Variants in PCDHA8 observed in about 807,000 individuals in gnomAD.
PCDHA8 encodes the protein protocadherin alpha 8.
Under a neutral mutation model 61.8 loss-of-function variants are expected in PCDHA8, and 53 were observed. The observed-to-expected ratio is 0.86, with a 90% confidence interval of 0.69 to 1.08. The LOEUF (loss-of-function observed/expected upper bound fraction) is 1.08. Among genes scored for constraint, PCDHA8 ranks in the 50% least tolerant of loss-of-function variants. The pLI is 0.00. For synonymous variants in PCDHA8, 618 were observed against 556.6 expected (o/e 1.11, Z -1.55); for missense variants, 1,293 against 1,245.0 (o/e 1.04, Z -0.58).
chr5:140,884,497 C>T, intron 1 of PCDHA8: 1 of 1,614,042 alleles, frequency 6.2e-7, no homozygotes, highest in Non-Finnish European at 8.5e-7. Flanking sequence ...TGTGCTCCAG[C>T]GCGGCAGGGA....
At chr5:140,917,262 T>C (rs1222739469) in intron 1 of PCDHA8, among the ~76,000 whole-genome samples, 1 of 151,720 alleles carries the variant, frequency 6.6e-6, no homozygotes, top group Middle Eastern at 3.2e-3. Context: ...CACCTGATGT[T>C]TGGTTTTTGT....
chr5:141,011,894 TATC>T lies in PCDHA8; in HGVS notation c.*1958_*1960del, dbSNP rs1554263691. 6.5e-6 allele frequency: 1 copy of T among 153,306 alleles called. No individual in the cohort carries two copies. The highest frequency in any genetic ancestry group is 2.4e-5 in the African/African-American group (1 of 41,080). 9.5% of individuals were successfully genotyped at this position (153,306 alleles called of 1,614,324 possible). On this transcript the variant is annotated 3_prime_UTR_variant, in exon 4 of 4. Transcript: ENST00000531613. Reference sequence around the variant, plus strand: ...AATTTAGAAGTTTGATTAATTATATTATCTATTTAGGCATTAATATAAAAGAGG... The same window carrying T: ...AATTTAGAAGTTTGATTAATTATATTTATTTAGGCATTAATATAAAAGAGG...
intron 1 of PCDHA8, among the ~76,000 whole-genome samples, chr5:140,935,239 A>G (rs1554210410): frequency 1.3e-5 from 2 of 152,172 alleles, no homozygotes. Flanking sequence ...TCTATTTTTT[A>G]AAAGATAAAA....
At chr5:140,968,446 C>T in intron 1 of PCDHA8, 1 of 1,614,046 alleles carries the variant, frequency 6.2e-7, no homozygotes, top group Non-Finnish European at 8.5e-7. Context: ...CACCACTGAG[C>T]AGCACTGTGA....
At position 140,843,178 on chromosome 5, in the gene PCDHA8, C is replaced by T. The variant is rs1188166294; in HGVS notation, c.1857C>T (p.Arg619=). The T allele has an allele frequency of 6.3e-7, 1 of 1,595,986 alleles. No individual in the cohort carries two copies. Among genetic ancestry groups the T allele is most frequent in the Non-Finnish European group, 8.6e-7 (1 of 1,165,624 alleles). ...YELQPAASSP[R]IPFRVGLYTG... Reference sequence around the variant, plus strand: ...TGCAGCCAGCTGCAAGCAGCCCTCGCATCCCGTTCCGCGTGGGGCTGTACA... The same window carrying T: ...TGCAGCCAGCTGCAAGCAGCCCTCGTATCCCGTTCCGCGTGGGGCTGTACA... The change falls in exon 1 of 4, where the codon CGC becomes CGT. Residue 619 remains arginine, a synonymous_variant. Transcript: ENST00000531613.
intron 2 of PCDHA8, among the ~76,000 whole-genome samples, chr5:140,981,521 C>T (rs894639773): frequency 1.3e-5 from 2 of 152,208 alleles, no homozygotes; most frequent in South Asian, 4.1e-4. Flanking sequence ...TTGCAGTGAG[C>T]TGAGATCGTG....
chr5:141,004,092 C>T (rs1245515449), intron 3 of PCDHA8, among the ~76,000 whole-genome samples: 1 of 152,198 alleles, frequency 6.6e-6, no homozygotes, highest in Non-Finnish European at 1.5e-5. Context: ...TGTGCTTCTT[C>T]CGTTTTCATC....
At chr5:141,005,562 C>T (rs928721111) in intron 3 of PCDHA8, among the ~76,000 whole-genome samples, 2 of 151,226 alleles carry the variant, frequency 1.3e-5, no homozygotes, top group Admixed American at 6.6e-5. Flanking sequence ...ATTAGCCGGG[C>T]ATGGTGGCGC....
chr5:140,877,372 A>T, intron 1 of PCDHA8: 6 of 1,613,992 alleles, frequency 3.7e-6, no homozygotes, highest in Non-Finnish European at 5.1e-6. Flanking sequence ...GATCAGCACG[A>T]CACGCATCCT....
intron 1 of PCDHA8, chr5:140,853,041 C>G (rs1158374492): frequency 1.9e-5 from 5 of 267,262 alleles, no homozygotes; most frequent in Non-Finnish European, 3.0e-5. Context: ...ACCATGCCCG[C>G]CTAATTTTTT....
At chr5:140,978,740 A>G (rs2096821027) in intron 1 of PCDHA8, among the ~76,000 whole-genome samples, 1 of 152,254 alleles carries the variant, frequency 6.6e-6, no homozygotes, top group Non-Finnish European at 1.5e-5. Flanking sequence ...CTTCCAGGGT[A>G]TCTAATCTGT....
intron 1 of PCDHA8, chr5:140,870,210 C>T (rs1430379869): frequency 6.2e-7 from 1 of 1,614,058 alleles, no homozygotes; most frequent in African/African-American, 1.3e-5. Context: ...CGGTCATTGC[C>T]CTGATCAGCG....
At position 140,906,503 on chromosome 5, in the gene PCDHA8, AAAG is replaced by A. The variant is rs537708204; in HGVS notation, c.2394+62792_2394+62794del. Among the ~76,000 whole-genome samples the A allele has an allele frequency of 2.0e-5, 3 of 152,376 alleles. No homozygotes were observed. The South Asian group carries it at 6.2e-4, about 32-fold the overall frequency. On this transcript the variant is annotated intron_variant, in intron 1 of 3. Transcript: ENST00000531613. The stretch of plus-strand genomic sequence containing the variant: ...ATAAATGCACAAACATGTTTTTAAC[AAAG>A]AAGGAGGAAATACTCACGACAATTA...
At chr5:140,954,864 G>A (rs2095103058) in intron 1 of PCDHA8, among the ~76,000 whole-genome samples, 1 of 152,074 alleles carries the variant, frequency 6.6e-6, no homozygotes, top group Admixed American at 6.5e-5. Context: ...TGTCCTGAAT[G>A]GTATTGCCTA....
intron 3 of PCDHA8, among the ~76,000 whole-genome samples, chr5:140,998,588 G>A (rs1315091552): frequency 6.7e-6 from 1 of 148,536 alleles, no homozygotes; most frequent in African/African-American, 2.5e-5. Context: ...TTTTGAGACA[G>A]AGTTTTGCTC....
At chr5:140,904,949 T>A (rs2071498656) in intron 1 of PCDHA8, among the ~76,000 whole-genome samples, 1 of 152,228 alleles carries the variant, frequency 6.6e-6, no homozygotes, top group South Asian at 2.1e-4. Flanking sequence ...TAGTCCTTTG[T>A]CTGATGCAGA....
chr5:140,955,595 A>G (rs1366870361), intron 1 of PCDHA8, among the ~76,000 whole-genome samples: 1 of 152,194 alleles, frequency 6.6e-6, no homozygotes, highest in Admixed American at 6.5e-5. Context: ...TCTTTCTTTT[A>G]TAAATTACCC....
chr5:140,853,239 A>G (rs2150529987), intron 1 of PCDHA8: 14 of 978,474 alleles, frequency 1.4e-5, no homozygotes, highest in Middle Eastern at 5.3e-4. Flanking sequence ...AGTCCTTCAT[A>G]TTAATCTCTA....
intron 1 of PCDHA8, among the ~76,000 whole-genome samples, chr5:140,903,723 A>G (rs1361598477): frequency 6.6e-6 from 1 of 152,210 alleles, no homozygotes; most frequent in Non-Finnish European, 1.5e-5. Flanking sequence ...AATTCTCCCT[A>G]TTATCAATTA....
Sources: allele counts gnomAD v4.1 joint callset (sites outside exome capture counted in the v4.1 genomes callset), GRCh38; gene constraint gnomAD v4.1.1; transcripts MANE v1.5; gene names NCBI Gene and HGNC (gene_info 2026-07-23, HGNC 2026-07-21).